Variants in XYLB observed in about 807,000 individuals in gnomAD.
The protein encoded by XYLB is xylulose kinase.
Under a neutral mutation model 78.7 loss-of-function variants are expected in XYLB, and 62 were observed. The observed-to-expected ratio is 0.79, with a 90% confidence interval of 0.64 to 0.97. The LOEUF is 0.97. Ranked by LOEUF, XYLB falls within the 50% of genes least tolerant of loss-of-function variation. The probability of loss-of-function intolerance (pLI) is 0.00; values close to 1 mark genes in which losing one functional copy is unlikely to be tolerated. For synonymous variants in XYLB, 245 were observed against 247.4 expected (o/e 0.99, Z 0.09); for missense variants, 687 against 676.8 (o/e 1.02, Z -0.17).
the XYLB span, among the ~76,000 whole-genome samples, chr3:38,440,008 A>G: frequency 2.0e-5 from 3 of 152,122 alleles, no homozygotes; most frequent in Non-Finnish European, 4.4e-5. Flanking sequence ...TTTCTTGTAA[A>G]CTGTCTGAGA....
downstream of XYLB, among the ~76,000 whole-genome samples, chr3:38,422,660 G>T (rs796552237): frequency 6.6e-5 from 10 of 152,196 alleles, no homozygotes; most frequent in African/African-American, 1.2e-4. Context: ...TCAGCCAATT[G>T]TAACTTCTGT....
At chr3:38,368,983 A>G (rs545806596) in intron 8 of XYLB, among the ~76,000 whole-genome samples, 1 of 152,288 alleles carries the variant, frequency 6.6e-6, no homozygotes, top group South Asian at 2.1e-4. Flanking sequence ...GATGCCAGTG[A>G]GGAGGGAAAG....
chr3:38,427,506 T>G, the XYLB span, among the ~76,000 whole-genome samples: 1 of 152,380 alleles, frequency 6.6e-6, no homozygotes, highest in African/African-American at 2.4e-5. Context: ...TTTATCAATT[T>G]TATTGATCAC....
At position 38,362,942 on chromosome 3, in the gene XYLB, G is replaced by C. The variant is rs747943129; in HGVS notation, c.216G>C (p.Leu72=). The change falls in exon 4 of 19, where the codon CTG becomes CTC. Residue 72 remains leucine (L), a synonymous_variant. Coordinates refer to ENST00000207870, the MANE Select transcript of XYLB (RefSeq NM_005108.4). ...TSPVLMWVQA[L]DIILEKMKAS... Reference sequence around the variant, plus strand: ...GGTTCTGTTTTTCTTCTTAGGCACTGGATATCATCTTGGAGAAGATGAAGG... The same window carrying C: ...GGTTCTGTTTTTCTTCTTAGGCACTCGATATCATCTTGGAGAAGATGAAGG... 1.3e-6 allele frequency: 2 copies of C among 1,577,752 alleles called. No individual in the cohort carries two copies. The highest frequency in any genetic ancestry group is 2.3e-5 in the South Asian group (2 of 86,078).
chr3:38,428,652 T>C, the XYLB span, among the ~76,000 whole-genome samples: 1 of 152,240 alleles, frequency 6.6e-6, no homozygotes, highest in Non-Finnish European at 1.5e-5. Flanking sequence ...TAGATTAGTA[T>C]TTGCATGTTA....
At chr3:38,445,205 T>G in the XYLB span, among the ~76,000 whole-genome samples, 10,568 of 152,196 alleles carry the variant, frequency 0.069, 409 homozygotes, top group Middle Eastern at 0.17. Flanking sequence ...TGTCCTTACT[T>G]CTCATCATAT....
chr3:38,393,290 C>T (rs182478135), intron 15 of XYLB, among the ~76,000 whole-genome samples: 12 of 152,208 alleles, frequency 7.9e-5, no homozygotes, highest in African/African-American at 2.2e-4. Context: ...CTACAGACAA[C>T]GTGCTACCAT....
At chr3:38,420,064 C>T (rs1040379716) in exon 18 of XYLB, among the ~76,000 whole-genome samples, 6 of 152,142 alleles carry the variant, frequency 3.9e-5, no homozygotes, top group African/African-American at 7.2e-5. Flanking sequence ...GTGATCCACC[C>T]GCCTCAGCCT....
At chr3:38,359,793 G>A (rs928774807) in intron 2 of XYLB, among the ~76,000 whole-genome samples, 1 of 152,118 alleles carries the variant, frequency 6.6e-6, no homozygotes, top group Non-Finnish European at 1.5e-5. Flanking sequence ...TAGCATCTTG[G>A]TGTGGATTCT....
downstream of XYLB, among the ~76,000 whole-genome samples, chr3:38,424,178 A>AT (rs907827133): frequency 6.6e-6 from 1 of 152,132 alleles, no homozygotes; most frequent in African/African-American, 2.4e-5. Context: ...GAAAAGATTG[A>AT]TTTTTCCAAC....
At position 38,360,390 on chromosome 3, in the gene XYLB, A is replaced by G. The variant is rs1451517774; in HGVS notation, c.192A>G (p.Pro64=). Reference sequence around the variant, plus strand: ...AGGATGGGCTGACGGTCACTTCTCCAGTACTAATGTGGGTCCAGGTAAGCG... The same window carrying G: ...AGGATGGGCTGACGGTCACTTCTCCGGTACTAATGTGGGTCCAGGTAAGCG... The part of the protein sequence containing the change: ...VHKDGLTVTS[P]VLMWVQALDI... The change falls in exon 3 of 19, where the codon CCA becomes CCG. Residue 64 remains proline (P), a synonymous_variant. Transcript: ENST00000207870. The G allele has an allele frequency of 1.9e-6, 3 of 1,609,596 alleles. No individual in the cohort carries two copies. Among genetic ancestry groups the G allele is most frequent in the South Asian group, 1.1e-5 (1 of 90,362 alleles).
intron 15 of XYLB, among the ~76,000 whole-genome samples, chr3:38,381,961 T>A (rs1462551220): frequency 6.6e-6 from 1 of 152,164 alleles, no homozygotes; most frequent in East Asian, 1.9e-4. Flanking sequence ...CTCCCTCCCC[T>A]TTTGAAAATC....
chr3:38,451,005 C>G, the XYLB span: 1 of 152,144 alleles, frequency 6.6e-6, no homozygotes, highest in Non-Finnish European at 1.5e-5. Context: ...GCACAGAAAG[C>G]CAATCACTGA....
At position 38,376,910 on chromosome 3, in the gene XYLB, T is replaced by C; in HGVS notation, c.1121-8T>C. 4.3e-6 allele frequency: 7 copies of C among 1,613,036 alleles called. No homozygotes were observed. The highest frequency in any genetic ancestry group is 5.9e-6 in the Non-Finnish European group (7 of 1,179,140). ...ATGACGGCTGATCTCTTCCTGGTTT[T>C]ATTTCAGGTTTTTATTTTGATGTAA... On this transcript the variant is annotated splice_region_variant and splice_polypyrimidine_tract_variant and intron_variant, in intron 13 of 18. Coordinates refer to ENST00000207870, the MANE Select transcript of XYLB (RefSeq NM_005108.4).
At chr3:38,361,174 G>A (rs1239251594) in intron 3 of XYLB, among the ~76,000 whole-genome samples, 1 of 152,222 alleles carries the variant, frequency 6.6e-6, no homozygotes, top group East Asian at 1.9e-4. Flanking sequence ...GCCAAGCCAG[G>A]CCTGCCTGCT....
chr3:38,400,764 A>C (rs1708088545), intron 17 of XYLB, 127 bp from the exon 18 acceptor site: 1 of 675,944 alleles, frequency 1.5e-6, no homozygotes, highest in Middle Eastern at 4.2e-4. Context: ...AATGTACTGA[A>C]TTGTGCAACC....
chr3:38,380,502 G>C (rs944409406), intron 15 of XYLB, among the ~76,000 whole-genome samples: 1 of 152,068 alleles, frequency 6.6e-6, no homozygotes, highest in Non-Finnish European at 1.5e-5. Context: ...CTTTGCTTGA[G>C]GGCCTTCCTA....
chr3:38,351,909 T>C (rs1363370019), intron 2 of XYLB, among the ~76,000 whole-genome samples: 1 of 152,254 alleles, frequency 6.6e-6, no homozygotes, highest in East Asian at 1.9e-4. Context: ...TGGACTACAA[T>C]TGGTTTCACC....
In XYLB at chr3:38,413,069, T is replaced by G; in HGVS notation, c.*56T>G. The G allele has an allele frequency of 2.1e-4, 287 of 1,385,686 alleles. No homozygotes were observed. The highest frequency in any genetic ancestry group is 2.6e-4 in the Non-Finnish European group (257 of 1,006,910). The allele number at this position is 1,385,686 out of a possible 1,614,324, so 85.8% of individuals were successfully genotyped here. A position where few individuals can be genotyped will look rare whatever the true frequency, so the allele number is the denominator to read the frequency against. On this transcript the variant is annotated 3_prime_UTR_variant, in exon 19 of 19. Transcript: ENST00000207870. The stretch of plus-strand genomic sequence containing the variant: ...GATTTACTGACCCCATTTGTCGACA[T>G]GGCCCCAGACAGGAGGGATCCACTT...
Sources: gnomAD v4.1 joint callset for allele counts (sites outside exome capture counted in the v4.1 genomes callset) on GRCh38, gnomAD v4.1.1 for gene constraint, MANE v1.5 for transcripts, NCBI Gene and HGNC (gene_info 2026-07-23, HGNC 2026-07-21) for gene names.